Variants in EPB41L4B observed in about 807,000 individuals in gnomAD.
EPB41L4B encodes erythrocyte membrane protein band 4.1 like 4B.
In EPB41L4B, 30 loss-of-function variants were observed where a neutral mutation model predicts 112.5. The ratio of observed to expected loss-of-function variants is 0.27; its 90% CI spans 0.20 to 0.36. The LOEUF (loss-of-function observed/expected upper bound fraction) is 0.36. EPB41L4B is among the 10% of genes least tolerant of loss of function. The pLI is 1.00. For synonymous variants in EPB41L4B, 408 were observed against 439.7 expected (o/e 0.93, Z 0.90); for missense variants, 1,024 against 1,133.3 (o/e 0.90, Z 1.38).
Position 109,316,592 on chromosome 9 carries a change from G to A in EPB41L4B, c.306+3549C>T, listed in dbSNP as rs533709257. ...CAGGGCTGAGCTAGGCTAAGGAGAG[G>A]GAGGTGCTGTCGAAGGCAGGGCCAG... On this transcript the variant is annotated intron_variant, in intron 1 of 25. Coordinates refer to ENST00000374566, the MANE Select transcript of EPB41L4B (RefSeq NM_019114.5). Among the ~76,000 whole-genome samples, 5 of 152,318 alleles carry A rather than the reference G, an allele frequency of 3.3e-5. 1 individual carries two copies. Among genetic ancestry groups the A allele is most frequent in the African/African-American group, 7.2e-5 (3 of 41,570 alleles).
intron 22 of EPB41L4B, among the ~76,000 whole-genome samples, chr9:109,188,294 G>T (rs2118658963): frequency 6.6e-6 from 1 of 152,266 alleles, no homozygotes; most frequent in Middle Eastern, 3.4e-3. Context: ...ACTTTCTCCA[G>T]ACACTGAGGC....
At chr9:109,236,015 C>T (rs749688285) in intron 15 of EPB41L4B, among the ~76,000 whole-genome samples, 2 of 152,216 alleles carry the variant, frequency 1.3e-5, no homozygotes, top group Non-Finnish European at 2.9e-5. Flanking sequence ...TGTCCCTTGA[C>T]AAAACCAGAC....
chr9:109,188,444 G>A (rs952399640), intron 22 of EPB41L4B, among the ~76,000 whole-genome samples: 1 of 152,122 alleles, frequency 6.6e-6, no homozygotes, highest in Non-Finnish European at 1.5e-5. Flanking sequence ...CATCCTGGCA[G>A]GAGAGTGATC....
At chr9:109,192,486 A>G (rs1442320812) in intron 21 of EPB41L4B, 131 bp from the exon 22 acceptor site, 2 of 575,472 alleles carry the variant, frequency 3.5e-6, no homozygotes, top group East Asian at 6.2e-5. Context: ...ATCCCCTTGT[A>G]TTTCCCTCAC....
intron 16 of EPB41L4B, among the ~76,000 whole-genome samples, chr9:109,215,267 A>G (rs763738140): frequency 1.3e-5 from 2 of 152,086 alleles, no homozygotes; most frequent in African/African-American, 2.4e-5. Context: ...CCTCCACTTC[A>G]GTACTTTTCT....
intron 15 of EPB41L4B, among the ~76,000 whole-genome samples, chr9:109,229,078 T>C (rs1327197886): frequency 6.6e-6 from 1 of 152,178 alleles, no homozygotes; most frequent in East Asian, 1.9e-4. Flanking sequence ...CACAAATTAA[T>C]TTTAGAAAAG....
At chr9:109,289,987 C>T (rs1289712723) in intron 1 of EPB41L4B, among the ~76,000 whole-genome samples, 4 of 152,126 alleles carry the variant, frequency 2.6e-5, no homozygotes, top group African/African-American at 4.8e-5. Context: ...GCAGGTCTGA[C>T]GTGGGGAGTG....
chr9:109,290,930 T>C (rs1836504022), intron 1 of EPB41L4B, among the ~76,000 whole-genome samples: 2 of 152,218 alleles, frequency 1.3e-5, no homozygotes, highest in Admixed American at 6.5e-5. Flanking sequence ...GAGTAAGAAA[T>C]ACCATCTCAG....
At chr9:109,284,395 C>A (rs372163008) in intron 1 of EPB41L4B, among the ~76,000 whole-genome samples, 1 of 152,056 alleles carries the variant, frequency 6.6e-6, no homozygotes, top group Non-Finnish European at 1.5e-5. Flanking sequence ...ATAGAGAAAC[C>A]GCGGATGGCT....
intron 12 of EPB41L4B, 33 bp from the exon 13 acceptor site, chr9:109,251,544 T>TA: frequency 6.2e-7 from 1 of 1,602,616 alleles, no homozygotes; most frequent in Non-Finnish European, 8.6e-7. Context: ...TATGACATCT[T>TA]AGAGAACTTT....
intron 15 of EPB41L4B, among the ~76,000 whole-genome samples, chr9:109,235,627 A>G (rs1399818053): frequency 6.6e-6 from 1 of 151,838 alleles, no homozygotes; most frequent in Non-Finnish European, 1.5e-5. Context: ...CGAACTCCTG[A>G]CCTTGAATGA....
At chr9:109,217,685 C>T (rs1833423558) in intron 15 of EPB41L4B, among the ~76,000 whole-genome samples, 1 of 152,210 alleles carries the variant, frequency 6.6e-6, no homozygotes, top group Non-Finnish European at 1.5e-5. Flanking sequence ...GATTCTCCCA[C>T]CTCAGCCTCC....
At chr9:109,253,007 A>G (rs1319794226) in intron 12 of EPB41L4B, among the ~76,000 whole-genome samples, 2 of 152,182 alleles carry the variant, frequency 1.3e-5, no homozygotes, top group East Asian at 1.9e-4. Context: ...GTGGGACTTG[A>G]GCCGAATATC....
At chr9:109,276,800 T>C (rs987640679) in intron 2 of EPB41L4B, among the ~76,000 whole-genome samples, 1 of 152,316 alleles carries the variant, frequency 6.6e-6, no homozygotes, top group Admixed American at 6.5e-5. Context: ...GAGGGGTCAC[T>C]TGGGGATGAG....
At chr9:109,199,088 C>CA (rs1832737804) in intron 20 of EPB41L4B, among the ~76,000 whole-genome samples, 1 of 152,112 alleles carries the variant, frequency 6.6e-6, no homozygotes, top group African/African-American at 2.4e-5. Context: ...TGGGAATTGT[C>CA]AAAGTCACTT....
At chr9:109,179,658 T>G (rs955543194) in intron 24 of EPB41L4B, among the ~76,000 whole-genome samples, 1 of 152,120 alleles carries the variant, frequency 6.6e-6, no homozygotes, top group African/African-American at 2.4e-5. Context: ...CCAAGTTTCT[T>G]TATCTCAGTG....
chr9:109,250,489 C>T (rs1249422887), intron 13 of EPB41L4B, among the ~76,000 whole-genome samples: 1 of 152,184 alleles, frequency 6.6e-6, no homozygotes, highest in Non-Finnish European at 1.5e-5. Context: ...TACCTACCAG[C>T]GGCTGCAGTT....
intron 1 of EPB41L4B, among the ~76,000 whole-genome samples, chr9:109,304,602 T>C (rs932289791): frequency 2.6e-5 from 4 of 152,196 alleles, no homozygotes; most frequent in African/African-American, 7.2e-5. Flanking sequence ...TTAGGCACTG[T>C]GTGTTCTCTC....
intron 15 of EPB41L4B, among the ~76,000 whole-genome samples, chr9:109,222,914 C>A (rs1164782565): frequency 6.6e-6 from 1 of 152,196 alleles, no homozygotes; most frequent in African/African-American, 2.4e-5. Flanking sequence ...GATCTCATTT[C>A]TTCTCTTCCC....
Sources: gnomAD v4.1 joint callset for allele counts (sites outside exome capture counted in the v4.1 genomes callset) on GRCh38, gnomAD v4.1.1 for gene constraint, MANE v1.5 for transcripts, NCBI Gene and HGNC (gene_info 2026-07-23, HGNC 2026-07-21) for gene names.